Variants in SEMA3E observed in about 807,000 individuals in gnomAD.
SEMA3E encodes the protein semaphorin 3E, also known as semaphorin-3E.
In SEMA3E, 49 loss-of-function variants were observed where a neutral mutation model predicts 93.6. The ratio of observed to expected loss-of-function variants is 0.52; its 90% CI spans 0.42 to 0.66. The LOEUF is 0.66. SEMA3E is among the 30% of genes least tolerant of loss of function. The pLI, the probability that SEMA3E is intolerant of heterozygous loss-of-function variation, is 0.00. For synonymous variants in SEMA3E, 363 were observed against 330.7 expected (o/e 1.10, Z -1.06); for missense variants, 906 against 964.8 (o/e 0.94, Z 0.81).
chr7:83,627,201 T>C (rs533063302), intron 1 of SEMA3E, among the ~76,000 whole-genome samples: 1 of 152,326 alleles, frequency 6.6e-6, no homozygotes, highest in African/African-American at 2.4e-5. Flanking sequence ...TGGAGTGTTC[T>C]GTAGATGTCT....
intron 1 of SEMA3E, among the ~76,000 whole-genome samples, chr7:83,556,930 A>G (rs1269062935): frequency 6.6e-6 from 1 of 152,098 alleles, no homozygotes; most frequent in Non-Finnish European, 1.5e-5. Context: ...TGTTCAAGGC[A>G]CCATCTCAGA....
chr7:83,544,438 G>A (rs1265277915), intron 1 of SEMA3E, among the ~76,000 whole-genome samples: 1 of 152,046 alleles, frequency 6.6e-6, no homozygotes, highest in Non-Finnish European at 1.5e-5. Context: ...TAGAAGCCTA[G>A]AGAGATCCAA....
At position 83,454,275 on chromosome 7, in the gene SEMA3E, AT is replaced by A. The variant is rs1278965038; in HGVS notation, c.456+12206del. On this transcript the variant is annotated intron_variant, in intron 4 of 16. Transcript: ENST00000643230. ...TCCGACTCAAAAAAAAAAAAAAAAT[AT>A]ATATATATATATATATATATAATGT... is the stretch of plus-strand genomic sequence containing the variant. Among the ~76,000 whole-genome samples the A allele has an allele frequency of 9.7e-3, 909 of 93,366 alleles. 25 individuals are homozygous for A. Among genetic ancestry groups the A allele is most frequent in the Admixed American group, 0.04 (328 of 8,100 alleles). The allele number at this position is 93,366 out of a possible 152,430, so 61.3% of individuals were successfully genotyped here.
chr7:83,561,730 T>A (rs1278439143), intron 1 of SEMA3E, among the ~76,000 whole-genome samples: 1 of 152,138 alleles, frequency 6.6e-6, no homozygotes, highest in African/African-American at 2.4e-5. Flanking sequence ...GTCTATTCAT[T>A]TGAAGTAAGT....
chr7:83,537,644 A>G (rs540795156), intron 1 of SEMA3E, among the ~76,000 whole-genome samples: 2 of 152,328 alleles, frequency 1.3e-5, no homozygotes, highest in South Asian at 4.1e-4. Flanking sequence ...TCTCTAAACA[A>G]TATGGTTTCT....
At chr7:83,400,426 G>C (rs2709926) in intron 10 of SEMA3E, among the ~76,000 whole-genome samples, 176 bp from the exon 11 acceptor site, 1 of 151,656 alleles carries the variant, frequency 6.6e-6, no homozygotes, top group Non-Finnish European at 1.5e-5. Context: ...TAGGTTCAGA[G>C]GTACATGTCC....
intron 1 of SEMA3E, among the ~76,000 whole-genome samples, chr7:83,571,773 G>A (rs961171682): frequency 6.6e-6 from 1 of 152,178 alleles, no homozygotes; most frequent in Admixed American, 6.5e-5. Flanking sequence ...AGGAAAAGAA[G>A]AATTCAAATT....
chr7:83,622,694 G>A (rs1793589031), intron 1 of SEMA3E, among the ~76,000 whole-genome samples: 1 of 152,296 alleles, frequency 6.6e-6, no homozygotes, highest in Non-Finnish European at 1.5e-5. Flanking sequence ...CATGGATGGA[G>A]CTGGAAGCCA....
At chr7:83,531,939 C>G (rs1030370273) in intron 1 of SEMA3E, among the ~76,000 whole-genome samples, 1 of 152,146 alleles carries the variant, frequency 6.6e-6, no homozygotes, top group Admixed American at 6.6e-5. Flanking sequence ...TTGCATTCAA[C>G]TATTCCATAT....
At chr7:83,493,726 A>T (rs1429011065) in intron 1 of SEMA3E, among the ~76,000 whole-genome samples, 1 of 151,928 alleles carries the variant, frequency 6.6e-6, no homozygotes, top group Non-Finnish European at 1.5e-5. Context: ...ACATTATTTT[A>T]AAATCATAGC....
chr7:83,612,914 G>A (rs1415342036), intron 1 of SEMA3E, among the ~76,000 whole-genome samples: 1 of 146,798 alleles, frequency 6.8e-6, no homozygotes, highest in African/African-American at 2.5e-5. Flanking sequence ...ATATAAAGTG[G>A]GAATGATCTT....
In SEMA3E at chr7:83,367,636, G is replaced by T. The variant is rs1324637406; in HGVS notation, c.2278C>A (p.Arg760Ser). ...AGGCGGTAATGCTCAGGTTTGGAAC[G>T]GAGCTTCTTTTCCTGAGGGTTGGCA... Reference protein sequence around the residue: ...KYANPQEKKLRSKPEHYRLPR... With the variant: ...KYANPQEKKLSSKPEHYRLPR... Residue 760 changes from arginine (R) to serine (S), a missense_variant, in exon 17 of 17, where the codon CGT (arginine) becomes AGT (serine). Coordinates refer to ENST00000643230, the MANE Select transcript of SEMA3E (RefSeq NM_012431.3). The T allele has an allele frequency of 6.2e-7, 1 of 1,613,978 alleles. No individual in the cohort carries two copies. Among genetic ancestry groups the T allele is most frequent in the Non-Finnish European group, 8.5e-7 (1 of 1,180,014 alleles).
chr7:83,488,578 A>G (rs1790315747), intron 2 of SEMA3E, among the ~76,000 whole-genome samples: 2 of 152,282 alleles, frequency 1.3e-5, no homozygotes, highest in South Asian at 2.1e-4. Flanking sequence ...GTAATGTGTG[A>G]AGTTGGAATA....
At chr7:83,628,906 C>T (rs1233113591) in intron 1 of SEMA3E, among the ~76,000 whole-genome samples, 1 of 152,060 alleles carries the variant, frequency 6.6e-6, no homozygotes, top group African/African-American at 2.4e-5. Context: ...GCTGGTTTTT[C>T]CTCATCCTCA....
At chr7:83,590,680 C>A (rs1452811805) in intron 1 of SEMA3E, among the ~76,000 whole-genome samples, 1 of 152,110 alleles carries the variant, frequency 6.6e-6, no homozygotes, top group East Asian at 1.9e-4. Flanking sequence ...AAACAGTCTT[C>A]CATTTCTTCT....
intron 4 of SEMA3E, among the ~76,000 whole-genome samples, chr7:83,441,277 T>C (rs998726239): frequency 3.3e-5 from 5 of 152,136 alleles, no homozygotes; most frequent in Admixed American, 2.0e-4. Flanking sequence ...AGTAGAAGCA[T>C]AGTAGAAATG....
At chr7:83,368,078 G>A (rs1794699795) in intron 16 of SEMA3E, 40 bp from the exon 17 acceptor site, 1 of 1,566,024 alleles carries the variant, frequency 6.4e-7, no homozygotes, top group Non-Finnish European at 8.8e-7. Context: ...AAGTACACAG[G>A]AGAGAAAATA....
chr7:83,593,246 T>TTC (rs200690853), intron 1 of SEMA3E, among the ~76,000 whole-genome samples: 1 of 99,630 alleles, frequency 1.0e-5, no homozygotes, highest in Non-Finnish European at 2.2e-5. Flanking sequence ...CTTTCGCTCT[T>TTC]TCTCTCTCTC....
intron 1 of SEMA3E, among the ~76,000 whole-genome samples, chr7:83,624,248 GAT>G (rs1340199984): frequency 2.6e-5 from 4 of 152,156 alleles, no homozygotes; most frequent in African/African-American, 9.6e-5. Context: ...TCAGTAATGA[GAT>G]CACTGGGTCA....
Sources: allele counts gnomAD v4.1 joint callset (sites outside exome capture counted in the v4.1 genomes callset), GRCh38; gene constraint gnomAD v4.1.1; transcripts MANE v1.5; gene names NCBI Gene and HGNC (gene_info 2026-07-23, HGNC 2026-07-21).